Variants in KAZN observed in about 807,000 individuals in gnomAD.
KAZN encodes the protein kazrin, periplakin interacting protein.
In KAZN, 40 loss-of-function variants were observed where a neutral mutation model predicts 87.4. That is an observed-to-expected ratio of 0.46 (90% CI 0.36 to 0.60). The LOEUF (loss-of-function observed/expected upper bound fraction) is 0.60, where lower values mean the gene tolerates loss of function less well. Among genes scored for constraint, KAZN ranks in the 20% least tolerant of loss-of-function variants. The pLI, the probability that KAZN is intolerant of heterozygous loss-of-function variation, is 0.00. For synonymous variants in KAZN, 466 were observed against 458.3 expected, an observed-to-expected ratio of 1.02 and a Z score of -0.22; for missense variants, 898 against 1,073.9, an observed-to-expected ratio of 0.84 and a Z score of 2.29.
chr1:14,213,424 C>T (rs1278038010), intron 2 of KAZN, among the ~76,000 whole-genome samples: 1 of 152,148 alleles, frequency 6.6e-6, no homozygotes, highest in Non-Finnish European at 1.5e-5. Flanking sequence ...CTGTTTGTAG[C>T]ACAGGCCTGA....
chr1:14,553,308 C>T (rs1673657238), intron 2 of KAZN, among the ~76,000 whole-genome samples: 1 of 152,100 alleles, frequency 6.6e-6, no homozygotes, highest in African/African-American at 2.4e-5. Context: ...CTGCAGTGAG[C>T]CAAGATCGCG....
At position 14,841,641 on chromosome 1, in the gene KAZN, G is replaced by A. The variant is rs981625525; in HGVS notation, c.227-119043G>A. On this transcript the variant is annotated intron_variant, in intron 1 of 14. Coordinates refer to ENST00000376030, the MANE Select transcript of KAZN (RefSeq NM_201628.3). ...CCTTCCCAGCTCTGCACCCAGTGAC[G>A]TCACATTGGCTTAACATCAGCAGCA... Among the ~76,000 whole-genome samples the A allele has an allele frequency of 2.4e-4, 37 of 152,272 alleles. 1 individual carries two copies. The highest frequency in any genetic ancestry group is 8.4e-4 in the African/African-American group (35 of 41,564).
At chr1:14,238,045 C>T (rs534130338) in intron 2 of KAZN, among the ~76,000 whole-genome samples, 7 of 152,286 alleles carry the variant, frequency 4.6e-5, no homozygotes, top group Non-Finnish European at 8.8e-5. Context: ...TTTTTAACAG[C>T]TTTATTGAGA....
intron 2 of KAZN, among the ~76,000 whole-genome samples, chr1:14,489,140 T>A (rs897478383): frequency 6.6e-6 from 1 of 152,200 alleles, no homozygotes; most frequent in Non-Finnish European, 1.5e-5. Context: ...TTGGGGTTTC[T>A]TATGATTGAG....
intron 1 of KAZN, among the ~76,000 whole-genome samples, chr1:14,799,510 G>C (rs1476945947): frequency 1.3e-5 from 2 of 152,208 alleles, no homozygotes; most frequent in Non-Finnish European, 2.9e-5. Flanking sequence ...GAATGGAAAA[G>C]TACCTCCAGG....
chr1:14,963,198 T>A (rs1429242755), intron 2 of KAZN, among the ~76,000 whole-genome samples: 1 of 152,180 alleles, frequency 6.6e-6, no homozygotes, highest in Non-Finnish European at 1.5e-5. Flanking sequence ...TCCACCCCTT[T>A]GTAGGAGTAT....
chr1:14,672,882 G>A lies in KAZN; in HGVS notation c.226+73659G>A, dbSNP rs371753423. On this transcript the variant is annotated intron_variant, in intron 1 of 14. Transcript: ENST00000376030. ...GGATAGGGCTACCATAGCCTTCTCCGAGATCTGTCTGATGCCCTCTTCTCT... is the reference window on the plus strand; with the variant it reads ...GGATAGGGCTACCATAGCCTTCTCCAAGATCTGTCTGATGCCCTCTTCTCT... Among the ~76,000 whole-genome samples, 14 of 152,264 alleles carry A rather than the reference G, an allele frequency of 9.2e-5. No individual in the cohort carries two copies. The East Asian group carries it at 1.5e-3, about 17-fold the overall frequency.
intron 1 of KAZN, among the ~76,000 whole-genome samples, chr1:14,900,027 T>C (rs1655687246): frequency 1.3e-5 from 2 of 152,238 alleles, no homozygotes; most frequent in African/African-American, 4.8e-5. Flanking sequence ...AAGCAGATCC[T>C]TGGGACTCAG....
At chr1:14,094,622 A>G (rs1433396461) in intron 1 of KAZN, among the ~76,000 whole-genome samples, 1 of 152,242 alleles carries the variant, frequency 6.6e-6, no homozygotes, top group Non-Finnish European at 1.5e-5. Flanking sequence ...TAGAAGTAAT[A>G]TGACAAGTTA....
intron 1 of KAZN, among the ~76,000 whole-genome samples, chr1:14,065,343 G>A (rs1231258493): frequency 6.6e-6 from 1 of 152,038 alleles, no homozygotes; most frequent in Non-Finnish European, 1.5e-5. Flanking sequence ...AAGCTTTCAC[G>A]GTAACACACA....
chr1:15,083,130 A>G (rs1422262842), intron 8 of KAZN, among the ~76,000 whole-genome samples: 2 of 152,128 alleles, frequency 1.3e-5, no homozygotes, highest in Non-Finnish European at 2.9e-5. Flanking sequence ...TCATGATGCC[A>G]TTTGAGCAGC....
At chr1:14,394,959 G>A (rs1050911884) in intron 2 of KAZN, among the ~76,000 whole-genome samples, 2 of 152,172 alleles carry the variant, frequency 1.3e-5, no homozygotes, top group African/African-American at 2.4e-5. Context: ...GCACTGCTGT[G>A]ATGGCTAAGT....
chr1:14,421,512 G>A lies in KAZN; in HGVS notation c.250-177471G>A, dbSNP rs78592401. Among the ~76,000 whole-genome samples, 1,342 of 152,204 alleles carry A rather than the reference G, an allele frequency of 8.8e-3. 15 individuals are homozygous for A. Among genetic ancestry groups the A allele is most frequent in the African/African-American group, 0.031 (1,288 of 41,534 alleles). ...AAGACCCTACTATGCACAGTTGATT[G>A]TTCCCTTAATGTTACCACATTAGGA... On this transcript the variant is annotated intron_variant, in intron 2 of 16. Coordinates refer to the KAZN transcript ENST00000636203.
At chr1:14,950,316 G>C (rs1056559577) in intron 1 of KAZN, among the ~76,000 whole-genome samples, 2 of 152,020 alleles carry the variant, frequency 1.3e-5, no homozygotes. Context: ...CAACCCTGGG[G>C]ACTGAGGGAG....
chr1:14,702,137 G>T (rs1286324217), intron 1 of KAZN, among the ~76,000 whole-genome samples: 1 of 152,200 alleles, frequency 6.6e-6, no homozygotes, highest in Non-Finnish European at 1.5e-5. Flanking sequence ...GGCAATGAGT[G>T]GGGCAGAGGG....
chr1:14,721,889 C>T (rs137992917), intron 1 of KAZN, among the ~76,000 whole-genome samples: 279 of 152,242 alleles, frequency 1.8e-3, no homozygotes, highest in African/African-American at 6.5e-3. Flanking sequence ...TGCGGTGGCT[C>T]ACACCTGTGA....
At chr1:14,522,357 C>T (rs903299828) in intron 2 of KAZN, among the ~76,000 whole-genome samples, 82 of 152,210 alleles carry the variant, frequency 5.4e-4, no homozygotes, top group African/African-American at 2.0e-3. Flanking sequence ...AAAGTTTGCT[C>T]TTTATGGTGA....
In KAZN at chr1:14,067,107, C is replaced by CT. The variant is rs1269827960; in HGVS notation, c.92-113322dup. On this transcript the variant is annotated intron_variant, in intron 1 of 16. Coordinates refer to the KAZN transcript ENST00000636203. ...CTATCTAGTATTCTTTATTTACCAA[C>CT]TTTTTTCCCTGACTCCTCTCTCCTC... Among the ~76,000 whole-genome samples, 4 of 152,148 alleles carry CT rather than the reference C, an allele frequency of 2.6e-5. No homozygotes were observed. In the East Asian group the frequency reaches 5.8e-4, roughly 22 times the overall value.
chr1:14,997,208 T>C (rs201788805), intron 2 of KAZN, among the ~76,000 whole-genome samples: 176 of 4,724 alleles, frequency 0.037, 1 homozygote, highest in African/African-American at 0.091. Flanking sequence ...TTCTTTCATT[T>C]ATTTATTTAT....
Sources: gnomAD v4.1 joint callset for allele counts (sites outside exome capture counted in the v4.1 genomes callset) on GRCh38, gnomAD v4.1.1 for gene constraint, MANE v1.5 for transcripts, NCBI Gene and HGNC (gene_info 2026-07-23, HGNC 2026-07-21) for gene names.